Variants in SMOC2 observed in about 807,000 individuals in gnomAD.
SMOC2 encodes SPARC-related modular calcium-binding protein 2.
A neutral mutation model predicts 61.4 loss-of-function variants in SMOC2; 39 were observed. That is an observed-to-expected ratio of 0.64 (90% CI 0.49 to 0.83). The LOEUF (loss-of-function observed/expected upper bound fraction) is 0.83. Ranked by LOEUF, SMOC2 falls within the 40% of genes least tolerant of loss-of-function variation. The probability of loss-of-function intolerance (pLI) is 0.00; values close to 1 mark genes in which losing one functional copy is unlikely to be tolerated. For synonymous variants in SMOC2, 247 were observed against 239.9 expected (o/e 1.03, Z -0.27); for missense variants, 556 against 592.9 (o/e 0.94, Z 0.65).
In SMOC2 at chr6:168,543,699, G is replaced by A. The variant is rs747120346; in HGVS notation, c.511+27G>A. ...TAACTATCTTAGAATAAATGTCTAT[G>A]ACGATATGTAACATCTAACTTATCC... On this transcript the variant is annotated intron_variant, in intron 5 of 12. Coordinates refer to ENST00000356284, the MANE Select transcript of SMOC2 (RefSeq NM_001166412.2). 8 of 1,600,000 alleles carry A rather than the reference G, an allele frequency of 5.0e-6. No homozygotes were observed. In the Admixed American group the frequency reaches 1.3e-4, roughly 27 times the overall value.
chr6:168,625,829 C>T (rs1402201588), intron 9 of SMOC2, among the ~76,000 whole-genome samples: 3 of 152,188 alleles, frequency 2.0e-5, no homozygotes, highest in South Asian at 2.1e-4. Context: ...CCAGGAAGGC[C>T]GGCCTGTGGG....
chr6:168,453,429 C>G lies in SMOC2; in HGVS notation c.84+11975C>G, dbSNP rs997493718. Reference sequence around the variant, plus strand: ...GCAAAGCCAAGTGGAGAGTTAGAGGCTAGGCTCTCTCTTTCTCTCTGTCTC... The same window carrying G: ...GCAAAGCCAAGTGGAGAGTTAGAGGGTAGGCTCTCTCTTTCTCTCTGTCTC... On this transcript the variant is annotated intron_variant, in intron 1 of 12. Coordinates refer to ENST00000356284, the MANE Select transcript of SMOC2 (RefSeq NM_001166412.2). The surrounding 1 kb of genome is among the most constrained non-coding windows in gnomAD (Gnocchi z 4.4). Among the ~76,000 whole-genome samples the G allele has an allele frequency of 9.9e-5, 15 of 152,204 alleles. No homozygotes were observed. Among genetic ancestry groups the G allele is most frequent in the Non-Finnish European group, 2.1e-4 (14 of 68,028 alleles).
Position 168,667,940 on chromosome 6 carries a change from CT to C in SMOC2, c.*1505del, listed in dbSNP as rs1787703227. On this transcript the variant is annotated 3_prime_UTR_variant, in exon 13 of 13. Transcript: ENST00000356284. ...TTGGATAATCTTTTATATTTCTGACCTTTGAATTTAATCATTGTTCTTAGAT... is the reference window on the plus strand; with the variant it reads ...TTGGATAATCTTTTATATTTCTGACCTTGAATTTAATCATTGTTCTTAGAT... The C allele has an allele frequency of 6.6e-6, 1 of 152,112 alleles. No homozygotes were observed. The highest frequency in any genetic ancestry group is 2.4e-5 in the African/African-American group (1 of 41,418). The allele number at this position is 152,112 out of a possible 1,614,324, so 9.4% of individuals were successfully genotyped here. A position where few individuals can be genotyped will look rare whatever the true frequency, so the allele number is the denominator to read the frequency against.
chr6:168,478,577 G>T (rs1782139767), intron 1 of SMOC2, among the ~76,000 whole-genome samples: 1 of 152,128 alleles, frequency 6.6e-6, no homozygotes, highest in Non-Finnish European at 1.5e-5. Flanking sequence ...ACAAGTAAGG[G>T]GTCCATTTGA....
At chr6:168,558,964 T>C (rs910437663) in intron 7 of SMOC2, among the ~76,000 whole-genome samples, 9 of 152,316 alleles carry the variant, frequency 5.9e-5, no homozygotes, top group South Asian at 2.1e-4. Context: ...CATGTGTGTG[T>C]ACGTGTATGC....
intron 2 of SMOC2, among the ~76,000 whole-genome samples, chr6:168,521,122 C>T (rs1226435626): frequency 6.6e-6 from 1 of 152,174 alleles, no homozygotes; most frequent in Non-Finnish European, 1.5e-5. Context: ...TTGTAGTGAG[C>T]ATCACATTTT....
In SMOC2 at chr6:168,451,628, T is replaced by C. The variant is rs555302098; in HGVS notation, c.84+10174T>C. 8.5e-3 allele frequency among the ~76,000 whole-genome samples: 1,232 copies of C among 145,290 alleles called. 6 individuals are homozygous for C. Among genetic ancestry groups the C allele is most frequent in the Middle Eastern group, 0.029 (8 of 276 alleles). ...CTCTCTCTCTCTCTCTCTCTCTCTCTCCCTCCCTCTCTGGGTGTATATTTT... is the reference window on the plus strand; with the variant it reads ...CTCTCTCTCTCTCTCTCTCTCTCTCCCCCTCCCTCTCTGGGTGTATATTTT... On this transcript the variant is annotated intron_variant, in intron 1 of 12. Transcript: ENST00000356284.
intron 9 of SMOC2, among the ~76,000 whole-genome samples, chr6:168,639,652 C>A (rs900599648): frequency 6.6e-6 from 1 of 152,230 alleles, no homozygotes; most frequent in African/African-American, 2.4e-5. Context: ...AAATGAGGAA[C>A]TGTTCTTAAA....
intron 9 of SMOC2, among the ~76,000 whole-genome samples, chr6:168,621,769 C>A (rs1562388084): frequency 2.0e-5 from 3 of 152,138 alleles, no homozygotes; most frequent in African/African-American, 7.2e-5. Flanking sequence ...GGGAAAACCA[C>A]CCCCATGGTC....
intron 9 of SMOC2, among the ~76,000 whole-genome samples, chr6:168,616,442 C>T (rs1440051859): frequency 6.6e-6 from 1 of 152,162 alleles, no homozygotes; most frequent in Non-Finnish European, 1.5e-5. Context: ...TTTAACCTGG[C>T]ATTCTGCTTT....
chr6:168,491,679 G>A lies in SMOC2; in HGVS notation c.85-18236G>A, dbSNP rs9456130. 9.1e-3 allele frequency among the ~76,000 whole-genome samples: 1,393 copies of A among 152,268 alleles called. 21 individuals are homozygous for A. Among genetic ancestry groups the A allele is most frequent in the African/African-American group, 0.032 (1,331 of 41,568 alleles). The stretch of plus-strand genomic sequence containing the variant: ...GATACTCTATTTAAAGTATCTGCAT[G>A]AGCTGTGGGAATGTGTCTACTCTTG... On this transcript the variant is annotated intron_variant, in intron 1 of 12. Coordinates refer to ENST00000356284, the MANE Select transcript of SMOC2 (RefSeq NM_001166412.2).
chr6:168,562,537 G>A (rs1039153848), intron 7 of SMOC2, among the ~76,000 whole-genome samples: 1 of 152,186 alleles, frequency 6.6e-6, no homozygotes, highest in African/African-American at 2.4e-5. Context: ...CCTCACTTTG[G>A]GGGTGAGGAG....
At chr6:168,587,610 C>G (rs1163630680) in intron 7 of SMOC2, among the ~76,000 whole-genome samples, 1 of 152,198 alleles carries the variant, frequency 6.6e-6, no homozygotes, top group Non-Finnish European at 1.5e-5. Context: ...CGCTTCCGCC[C>G]TAGTCTGGCT....
chr6:168,553,931 T>C lies in SMOC2; in HGVS notation c.637+4728T>C, dbSNP rs1366630669. Among the ~76,000 whole-genome samples, 4 of 151,548 alleles carry C rather than the reference T, an allele frequency of 2.6e-5. No individual in the cohort carries two copies. The highest frequency in any genetic ancestry group is 4.9e-5 in the African/African-American group (2 of 40,800). On this transcript the variant is annotated intron_variant, in intron 7 of 12. Coordinates refer to ENST00000356284, the MANE Select transcript of SMOC2 (RefSeq NM_001166412.2). This position sits in a 1 kb window ranked among gnomAD's most constrained non-coding sequence, Gnocchi z 4.2. ...ACTTGCTTTTGAACTGCGTGTGCTGTGCATGGTGCCCCTTCCCCACCAGGT... is the reference window on the plus strand; with the variant it reads ...ACTTGCTTTTGAACTGCGTGTGCTGCGCATGGTGCCCCTTCCCCACCAGGT...
chr6:168,599,384 ACACT>A lies in SMOC2; in HGVS notation c.824+384_824+387del, dbSNP rs1253538605. ...GCACACAATCATACCACACACACCCACACTCACACACACACTGACACACACACAT... is the reference window on the plus strand; with the variant it reads ...GCACACAATCATACCACACACACCCACACACACACACTGACACACACACAT... On this transcript the variant is annotated intron_variant, in intron 8 of 12. Transcript: ENST00000356284. 2.1e-3 allele frequency among the ~76,000 whole-genome samples: 240 copies of A among 115,902 alleles called. 6 individuals carry two copies. The East Asian group carries it at 0.055, about 26-fold the overall frequency. 76.0% of individuals were successfully genotyped at this position (115,902 alleles called of 152,430 possible).
intron 9 of SMOC2, among the ~76,000 whole-genome samples, chr6:168,617,685 C>T (rs1243202130): frequency 1.3e-5 from 2 of 152,210 alleles, no homozygotes; most frequent in Non-Finnish European, 2.9e-5. Context: ...CCCATCCATG[C>T]AGCAAGAAGA....
In SMOC2 at chr6:168,524,139, C is replaced by T. The variant is rs141191575; in HGVS notation, c.257-2207C>T. Reference sequence around the variant, plus strand: ...CATTCTCTGGCAATTTTGTGCCTCTCGGTAGAATGGACCTTGTCGGATGCT... The same window carrying T: ...CATTCTCTGGCAATTTTGTGCCTCTTGGTAGAATGGACCTTGTCGGATGCT... On this transcript the variant is annotated intron_variant, in intron 2 of 12. Transcript: ENST00000356284. 1.8e-3 allele frequency among the ~76,000 whole-genome samples: 270 copies of T among 152,096 alleles called. 2 individuals carry two copies. The highest frequency in any genetic ancestry group is 6.8e-3 in the Middle Eastern group (2 of 294).
chr6:168,599,606 C>CACCCACACAT (rs1202204161), intron 8 of SMOC2, among the ~76,000 whole-genome samples: 13 of 136,026 alleles, frequency 9.6e-5, no homozygotes, highest in Non-Finnish European at 1.6e-4. Context: ...TACCCCCACA[C>CACCCACACAT]ACCCACACAC....
intron 1 of SMOC2, among the ~76,000 whole-genome samples, chr6:168,474,672 G>T (rs1050845323): frequency 1.3e-5 from 2 of 152,136 alleles, no homozygotes; most frequent in Non-Finnish European, 2.9e-5. Flanking sequence ...ACCAGGCACA[G>T]CTGCGCAGGC....
Sources: gnomAD v4.1 joint callset for allele counts (sites outside exome capture counted in the v4.1 genomes callset) on GRCh38, gnomAD v4.1.1 for gene constraint, Gnocchi (gnomAD v3.1) non-coding constraint, MANE v1.5 for transcripts, NCBI Gene and HGNC (gene_info 2026-07-23, HGNC 2026-07-21) for gene names.